FCHO2: variants seen among roughly 807,000 people sequenced by gnomAD.
FCHO2 encodes FCH and mu domain containing endocytic adaptor 2, also known as F-BAR domain only protein 2.
Under a neutral mutation model 114.1 loss-of-function variants are expected in FCHO2, and 43 were observed. The ratio of observed to expected loss-of-function variants is 0.38; its 90% CI spans 0.30 to 0.49. The LOEUF is 0.49. Among genes scored for constraint, FCHO2 ranks in the 20% least tolerant of loss-of-function variants. The pLI, the probability that FCHO2 is intolerant of heterozygous loss-of-function variation, is 0.97. For synonymous variants in FCHO2, 293 were observed against 315.2 expected (o/e 0.93, Z 0.75); for missense variants, 807 against 950.4 (o/e 0.85, Z 1.98).
intron 1 of FCHO2, among the ~76,000 whole-genome samples, chr5:72,956,366 G>A (rs1751538304): frequency 6.6e-6 from 1 of 151,604 alleles, no homozygotes. Context: ...CCCGCAGCGG[G>A]GCCGCCGGCC....
chr5:72,961,053 T>G (rs1187980415), intron 1 of FCHO2, among the ~76,000 whole-genome samples: 7 of 152,166 alleles, frequency 4.6e-5, no homozygotes, highest in Non-Finnish European at 1.0e-4. Flanking sequence ...TCATTTCACT[T>G]GATTTTATTG....
chr5:72,959,772 CTTCT>C (rs960058090), intron 1 of FCHO2, among the ~76,000 whole-genome samples: 4 of 151,002 alleles, frequency 2.6e-5, no homozygotes, highest in African/African-American at 9.7e-5. Context: ...TCTCTCTTCT[CTTCT>C]TTCTTTTTTT....
intron 6 of FCHO2, among the ~76,000 whole-genome samples, chr5:73,010,875 CA>C (rs57820498): frequency 0.017 from 431 of 25,738 alleles, no homozygotes; most frequent in African/African-American, 0.044. Context: ...GACTCTGTCT[CA>C]AAAAAAAAAA....
intron 19 of FCHO2, among the ~76,000 whole-genome samples, chr5:73,073,883 A>C (rs1017472407): frequency 3.3e-5 from 5 of 152,106 alleles, no homozygotes; most frequent in Admixed American, 6.6e-5. Flanking sequence ...AATAATTATA[A>C]CAAACTCTCA....
chr5:72,996,960 T>C, intron 5 of FCHO2: 1 of 1,607,372 alleles, frequency 6.2e-7, no homozygotes, highest in East Asian at 2.2e-5. Flanking sequence ...CGCACGTTCG[T>C]GGCCTTCGCC....
intron 17 of FCHO2, among the ~76,000 whole-genome samples, chr5:73,061,331 G>A (rs951298007): frequency 1.3e-5 from 2 of 152,016 alleles, no homozygotes; most frequent in Non-Finnish European, 2.9e-5. Context: ...AGTTAATATA[G>A]TTTGAACTTA....
chr5:73,007,932 G>A (rs1754806544), intron 6 of FCHO2, among the ~76,000 whole-genome samples: 2 of 152,186 alleles, frequency 1.3e-5, no homozygotes, highest in Admixed American at 1.3e-4. Context: ...TGAAGAGTGA[G>A]TAAGAAATTA....
intron 12 of FCHO2, among the ~76,000 whole-genome samples, chr5:73,051,671 A>G (rs1404064995): frequency 6.6e-6 from 1 of 151,792 alleles, no homozygotes; most frequent in Admixed American, 6.6e-5. Context: ...GGTTTCAGCG[A>G]TTCTTCTGCC....
chr5:72,963,902 GTTTTTT>G lies in FCHO2; in HGVS notation c.34-4574_34-4569del, dbSNP rs70973214. Among the ~76,000 whole-genome samples, 8 of 95,720 alleles carry G rather than the reference GTTTTTT, an allele frequency of 8.4e-5. No individual in the cohort carries two copies. The South Asian group carries it at 1.4e-3, about 17-fold the overall frequency. The allele number at this position is 95,720 out of a possible 152,430, so 62.8% of individuals were successfully genotyped here. ...TTCCCATTTTGTATGGGAACTTTCA[GTTTTTT>G]TTTTTTTTTTTTTTTTTTTTTGTTT... On this transcript the variant is annotated intron_variant, in intron 1 of 25. Transcript: ENST00000430046.
intron 11 of FCHO2, 34 bp downstream of exon 11, chr5:73,041,349 A>G (rs368541003): frequency 2.2e-6 from 3 of 1,360,072 alleles, no homozygotes; most frequent in Non-Finnish European, 3.1e-6. Context: ...AAACAATTTA[A>G]ATTAGTTATT....
chr5:73,021,450 A>C (rs1755619225), intron 8 of FCHO2, among the ~76,000 whole-genome samples: 1 of 152,194 alleles, frequency 6.6e-6, no homozygotes, highest in Non-Finnish European at 1.5e-5. Flanking sequence ...TTGCTGTTTC[A>C]CATACATGCT....
intron 11 of FCHO2, among the ~76,000 whole-genome samples, chr5:73,046,707 G>A (rs534148822): frequency 2.0e-5 from 3 of 152,270 alleles, no homozygotes; most frequent in African/African-American, 7.2e-5. Context: ...TTGCATATTA[G>A]CAAGCAGTAG....
chr5:72,972,823 A>T (rs1752638244), intron 2 of FCHO2, among the ~76,000 whole-genome samples: 1 of 152,046 alleles, frequency 6.6e-6, no homozygotes, highest in Non-Finnish European at 1.5e-5. Flanking sequence ...ATTCAGTATG[A>T]TATTGGCTGT....
At chr5:72,980,502 G>A (rs1021632860) in intron 2 of FCHO2, among the ~76,000 whole-genome samples, 9 of 152,098 alleles carry the variant, frequency 5.9e-5, no homozygotes. Flanking sequence ...GAATATCTTT[G>A]TTAATTTTCT....
intron 1 of FCHO2, among the ~76,000 whole-genome samples, chr5:72,963,742 G>A (rs1752011626): frequency 1.3e-5 from 2 of 151,804 alleles, no homozygotes. Context: ...GTAGGGACGA[G>A]GTCTTGCTAT....
intron 2 of FCHO2, among the ~76,000 whole-genome samples, chr5:72,972,417 A>ATG (rs2112614970): frequency 6.6e-6 from 1 of 152,174 alleles, no homozygotes; most frequent in Admixed American, 6.5e-5. Flanking sequence ...GGTCCTTCCC[A>ATG]TCCCTTGTAA....
intron 8 of FCHO2, among the ~76,000 whole-genome samples, chr5:73,017,531 C>T (rs1755369645): frequency 6.6e-6 from 1 of 151,998 alleles, no homozygotes; most frequent in Admixed American, 6.6e-5. Context: ...TCTGATGATA[C>T]ATTAAGATTT....
intron 5 of FCHO2, among the ~76,000 whole-genome samples, chr5:72,998,346 G>A (rs554416512): frequency 3.3e-5 from 5 of 152,112 alleles, no homozygotes; most frequent in African/African-American, 1.2e-4. Flanking sequence ...AATTAGCCAG[G>A]CGTGGTGGCG....
rs1486710679 is a variant in FCHO2, at chr5:72,990,564, A to T, written c.287A>T (p.Glu96Val). ...TTGGATCTTGTTAGAAAATTACAAG[A>T]ATTAATAAAGGAAGTTCAGAAGTAT... ...CHLDLVRKLQ[E>V]LIKEVQKYGE... Residue 96 changes from glutamate (E) to valine (V), a missense_variant, in exon 4 of 26, where the codon GAA (glutamate) becomes GTA (valine). Physicochemically the swap from Glu to Val is moderately radical, Grantham distance 121. Transcript: ENST00000430046. 2 of 1,541,412 alleles carry T rather than the reference A, an allele frequency of 1.3e-6. No individual in the cohort carries two copies. Among genetic ancestry groups the T allele is most frequent in the Non-Finnish European group, 1.7e-6 (2 of 1,145,718 alleles).
Sources: allele counts gnomAD v4.1 joint callset (sites outside exome capture counted in the v4.1 genomes callset), GRCh38; gene constraint gnomAD v4.1.1; transcripts MANE v1.5; gene names NCBI Gene and HGNC (gene_info 2026-07-23, HGNC 2026-07-21).